SHISA9: variants seen among roughly 807,000 people sequenced by gnomAD.
SHISA9 encodes shisa family member 9.
In SHISA9, 13 loss-of-function variants were observed where a neutral mutation model predicts 38.0. The ratio of observed to expected loss-of-function variants is 0.34; its 90% CI spans 0.22 to 0.54. The LOEUF is 0.54. Among genes scored for constraint, SHISA9 ranks in the 20% least tolerant of loss-of-function variants. SHISA9 has a pLI of 0.91. For synonymous variants in SHISA9, 275 were observed against 242.0 expected (o/e 1.14, Z -1.27); for missense variants, 538 against 575.8 (o/e 0.93, Z 0.67).
At chr16:13,490,695 G>T in the SHISA9 span, among the ~76,000 whole-genome samples, 1 of 152,166 alleles carries the variant, frequency 6.6e-6, no homozygotes, top group African/African-American at 2.4e-5. Flanking sequence ...TGTATGTATT[G>T]ATCCACTCGA....
the SHISA9 span, among the ~76,000 whole-genome samples, chr16:13,461,025 A>G: frequency 3.9e-5 from 6 of 152,316 alleles, no homozygotes; most frequent in African/African-American, 1.4e-4. Flanking sequence ...ATTTCTCAAC[A>G]TGTCATTTAT....
rs1330473439 is a variant in SHISA9 at position 13,019,813 on chromosome 16, T to C, written c.691+102998T>C. Among the ~76,000 whole-genome samples, 11 of 143,382 alleles carry C rather than the reference T, an allele frequency of 7.7e-5. No homozygotes were observed. The East Asian group carries it at 1.9e-3, about 25-fold the overall frequency. The allele number at this position is 143,382 out of a possible 152,430, so 94.1% of individuals were successfully genotyped here. On this transcript the variant is annotated intron_variant, in intron 2 of 4. Transcript: ENST00000558583. ...CTTTCTTTCTTTCTTTCTTTCTTTC[T>C]TTCTTTCTTTCTTTCTTTCTTTTTC...
At chr16:12,945,662 T>G (rs1193893615) in intron 2 of SHISA9, among the ~76,000 whole-genome samples, 1 of 152,236 alleles carries the variant, frequency 6.6e-6, no homozygotes, top group Admixed American at 6.5e-5. Context: ...TCCCTGGGCC[T>G]TAGTTTTCCC....
Position 13,112,996 on chromosome 16 carries a change from C to T in SHISA9, c.692-90398C>T, listed in dbSNP as rs141880752. 2.1e-4 allele frequency among the ~76,000 whole-genome samples: 32 copies of T among 151,942 alleles called. 1 individual carries two copies. The South Asian group carries it at 3.3e-3, about 16-fold the overall frequency. On this transcript the variant is annotated intron_variant, in intron 2 of 4. Transcript: ENST00000558583. ...AGGCCAAGGCAGGCAGATCACTTGACGTCAGAGGTTTGAAACCAGCCTGTC... is the reference window on the plus strand; with the variant it reads ...AGGCCAAGGCAGGCAGATCACTTGATGTCAGAGGTTTGAAACCAGCCTGTC...
intron 2 of SHISA9, among the ~76,000 whole-genome samples, chr16:12,996,297 A>G (rs1006866871): frequency 9.9e-5 from 15 of 152,212 alleles, no homozygotes; most frequent in African/African-American, 3.4e-4. Context: ...TCTCTTGAAG[A>G]AAAAAAATGT....
the SHISA9 span, among the ~76,000 whole-genome samples, chr16:13,280,500 T>A: frequency 5.3e-5 from 8 of 151,784 alleles, no homozygotes; most frequent in African/African-American, 1.9e-4. Context: ...GTATTTTCAT[T>A]TTCATTTAGT....
chr16:12,988,143 C>T (rs2072337550), intron 2 of SHISA9, among the ~76,000 whole-genome samples: 1 of 152,244 alleles, frequency 6.6e-6, no homozygotes, highest in South Asian at 2.1e-4. Context: ...CTCTAGGCTC[C>T]AGTCCAGATG....
chr16:13,298,103 T>C, the SHISA9 span, among the ~76,000 whole-genome samples: 2 of 152,296 alleles, frequency 1.3e-5, no homozygotes, highest in East Asian at 3.9e-4. Flanking sequence ...CCTGCCAGGC[T>C]GCAGGGAAAT....
At chr16:13,036,290 A>C (rs989070431) in intron 2 of SHISA9, among the ~76,000 whole-genome samples, 2 of 152,244 alleles carry the variant, frequency 1.3e-5, no homozygotes, top group African/African-American at 4.8e-5. Flanking sequence ...ATATTTTAAC[A>C]ACAATAGTAA....
chr16:13,123,434 G>A (rs186394368), intron 2 of SHISA9, among the ~76,000 whole-genome samples: 1 of 152,196 alleles, frequency 6.6e-6, no homozygotes, highest in Non-Finnish European at 1.5e-5. Flanking sequence ...AATGGTGCCT[G>A]TTAAGGATAT....
At chr16:13,514,248 C>T in the SHISA9 span, among the ~76,000 whole-genome samples, 1 of 151,932 alleles carries the variant, frequency 6.6e-6, no homozygotes, top group African/African-American at 2.4e-5. Context: ...CCGCCTAGAC[C>T]TCCCGAAGTG....
At chr16:13,222,195 C>T (rs892552748) in intron 4 of SHISA9, among the ~76,000 whole-genome samples, 4 of 152,180 alleles carry the variant, frequency 2.6e-5, no homozygotes, top group African/African-American at 9.7e-5. Flanking sequence ...AGGTCCCTCC[C>T]ACCAGGTCCC....
the SHISA9 span, among the ~76,000 whole-genome samples, chr16:13,252,134 C>T: frequency 1.5e-4 from 23 of 152,314 alleles, no homozygotes; most frequent in East Asian, 4.2e-3. Flanking sequence ...GCCCAAAAGA[C>T]CTTCCATGAT....
chr16:13,074,967 A>T (rs571632206), intron 2 of SHISA9, among the ~76,000 whole-genome samples: 1 of 152,194 alleles, frequency 6.6e-6, no homozygotes, highest in African/African-American at 2.4e-5. Flanking sequence ...CCTGGCCATT[A>T]CTATTATTTT....
At chr16:13,064,748 T>A (rs2073414122) in intron 2 of SHISA9, among the ~76,000 whole-genome samples, 1 of 149,868 alleles carries the variant, frequency 6.7e-6, no homozygotes, top group Non-Finnish European at 1.5e-5. Context: ...TGTATTACCT[T>A]TATCATTTTT....
At chr16:13,534,682 C>T in the SHISA9 span, among the ~76,000 whole-genome samples, 42 of 152,188 alleles carry the variant, frequency 2.8e-4, no homozygotes, top group African/African-American at 9.2e-4. Flanking sequence ...TTTAAAGATG[C>T]CACACTCTTC....
chr16:13,037,058 T>TCTCACACACACA (rs1474471632), intron 2 of SHISA9, among the ~76,000 whole-genome samples: 1 of 135,904 alleles, frequency 7.4e-6, no homozygotes, highest in African/African-American at 3.0e-5. Flanking sequence ...CAGGGAATGA[T>TCTCACACACACA]CACACACACA....
intron 2 of SHISA9, among the ~76,000 whole-genome samples, chr16:12,969,071 C>T (rs1048438563): frequency 6.6e-6 from 1 of 151,416 alleles, no homozygotes; most frequent in Non-Finnish European, 1.5e-5. Context: ...GCTGGAGAAT[C>T]GCTTGAACCT....
chr16:13,429,392 G>C, the SHISA9 span, among the ~76,000 whole-genome samples: 7 of 152,132 alleles, frequency 4.6e-5, no homozygotes, highest in Non-Finnish European at 8.8e-5. Context: ...ACAGCTCTCT[G>C]TGGTTTGCTG....
Sources: gnomAD v4.1 joint callset for allele counts (sites outside exome capture counted in the v4.1 genomes callset) on GRCh38, gnomAD v4.1.1 for gene constraint, MANE v1.5 for transcripts, NCBI Gene and HGNC (gene_info 2026-07-23, HGNC 2026-07-21) for gene names.